Variants in EIF2AK4 observed in about 807,000 individuals in gnomAD.
EIF2AK4 encodes eIF-2-alpha kinase GCN2.
EIF2AK4 carries 139 observed loss-of-function variants against 211.1 expected under a neutral mutation model. The observed-to-expected ratio is 0.66, with a 90% CI of 0.57 to 0.76. The LOEUF (loss-of-function observed/expected upper bound fraction) is 0.76. EIF2AK4 is among the 30% of genes least tolerant of loss of function. EIF2AK4 has a pLI of 0.00. For missense variants in EIF2AK4, 1,664 were observed against 2,043.8 expected, an observed-to-expected ratio of 0.81 and a Z score of 3.58; for synonymous variants, 710 against 751.3, an observed-to-expected ratio of 0.94 and a Z score of 0.90.
intron 6 of EIF2AK4, among the ~76,000 whole-genome samples, chr15:39,957,307 A>G (rs2034404490): frequency 1.3e-5 from 2 of 152,148 alleles, no homozygotes; most frequent in Non-Finnish European, 2.9e-5. Flanking sequence ...ACGGTGGCTC[A>G]TGTGTGTGAC....
chr15:39,938,260 T>C (rs2034096019), intron 1 of EIF2AK4, among the ~76,000 whole-genome samples: 1 of 152,204 alleles, frequency 6.6e-6, no homozygotes, highest in Admixed American at 6.5e-5. Context: ...GTGATGGATG[T>C]GTGATGGGTG....
chr15:40,032,608 T>TCAC (rs2035558426), intron 36 of EIF2AK4, 149 bp from the exon 37 acceptor site: 7 of 677,622 alleles, frequency 1.0e-5, no homozygotes. Context: ...TAAGATCTTA[T>TCAC]CACTGCACAG....
At chr15:40,000,714 A>G (rs1004395028) in intron 20 of EIF2AK4, among the ~76,000 whole-genome samples, 1 of 152,124 alleles carries the variant, frequency 6.6e-6, no homozygotes, top group Non-Finnish European at 1.5e-5. Context: ...TTCTGCTTCT[A>G]TGTAGTTGTT....
intron 23 of EIF2AK4, among the ~76,000 whole-genome samples, chr15:40,005,429 G>A (rs1392510859): frequency 2.6e-5 from 4 of 151,494 alleles, no homozygotes; most frequent in Admixed American, 6.6e-5. Flanking sequence ...CCCGGGAGGC[G>A]GAGGTTGCAG....
intron 13 of EIF2AK4, among the ~76,000 whole-genome samples, chr15:39,980,457 A>G (rs74009083): frequency 2.0e-5 from 3 of 152,340 alleles, no homozygotes; most frequent in African/African-American, 7.2e-5. Context: ...CCAGATGTCA[A>G]TTGTGAATAC....
At chr15:39,972,081 G>A (rs575274333) in intron 9 of EIF2AK4, among the ~76,000 whole-genome samples, 63 of 152,114 alleles carry the variant, frequency 4.1e-4, no homozygotes, top group South Asian at 1.0e-3. Flanking sequence ...ATATGAGGCC[G>A]GGCACGGTGG....
At chr15:39,935,009 A>G (rs2034043117) in intron 1 of EIF2AK4, among the ~76,000 whole-genome samples, 1 of 152,164 alleles carries the variant, frequency 6.6e-6, no homozygotes, top group African/African-American at 2.4e-5. Flanking sequence ...CCACACACAA[A>G]ATACACTAAC....
At chr15:39,985,046 G>A (rs1343701977) in intron 13 of EIF2AK4, among the ~76,000 whole-genome samples, 3 of 152,114 alleles carry the variant, frequency 2.0e-5, no homozygotes, top group Non-Finnish European at 4.4e-5. Flanking sequence ...AGTTTATTGA[G>A]TGTTTTTAGC....
intron 13 of EIF2AK4, among the ~76,000 whole-genome samples, chr15:39,980,729 C>T (rs986950966): frequency 1.6e-4 from 24 of 152,150 alleles, no homozygotes; most frequent in African/African-American, 5.8e-4. Context: ...CCATCTGTCA[C>T]CCATGCTGGA....
chr15:39,995,342 C>T (rs567523062), intron 18 of EIF2AK4, among the ~76,000 whole-genome samples: 1 of 152,280 alleles, frequency 6.6e-6, no homozygotes, highest in South Asian at 2.1e-4. Flanking sequence ...CCAAGAGTCT[C>T]GCCGCCCCCT....
chr15:39,995,911 T>A (rs2035012375), intron 18 of EIF2AK4, among the ~76,000 whole-genome samples: 1 of 152,218 alleles, frequency 6.6e-6, no homozygotes, highest in Non-Finnish European at 1.5e-5. Context: ...AAGAATACAA[T>A]GCGTTATTAT....
intron 9 of EIF2AK4, among the ~76,000 whole-genome samples, chr15:39,970,355 A>G (rs141340175): frequency 6.6e-6 from 1 of 152,338 alleles, no homozygotes; most frequent in East Asian, 1.9e-4. Context: ...TTTCAAGTCA[A>G]TAACATTTAT....
chr15:39,966,795 C>CTATTAAA (rs2034550434), intron 8 of EIF2AK4, among the ~76,000 whole-genome samples: 1 of 152,032 alleles, frequency 6.6e-6, no homozygotes, highest in South Asian at 2.1e-4. Context: ...TTCTATCAAA[C>CTATTAAA]TAATTTTTTA....
At chr15:39,985,734 C>T (rs1595410186) in intron 13 of EIF2AK4, 71 bp from the exon 14 acceptor site, 1 of 1,486,028 alleles carries the variant, frequency 6.7e-7, no homozygotes, top group Non-Finnish European at 9.3e-7. Flanking sequence ...GGCACAAATA[C>T]TTAATGATGG....
chr15:40,014,598 G>A (rs921409843), intron 27 of EIF2AK4, among the ~76,000 whole-genome samples: 2 of 152,214 alleles, frequency 1.3e-5, no homozygotes, highest in African/African-American at 2.4e-5. Flanking sequence ...GCCAGCCCAC[G>A]AAACCATTTT....
chr15:39,943,021 C>A (rs2034168770), intron 2 of EIF2AK4, among the ~76,000 whole-genome samples: 1 of 149,962 alleles, frequency 6.7e-6, no homozygotes, highest in Non-Finnish European at 1.5e-5. Flanking sequence ...AGCTGCAGAA[C>A]TGGAATGATT....
chr15:40,017,935 T>C (rs2035332599), intron 29 of EIF2AK4, among the ~76,000 whole-genome samples: 1 of 152,164 alleles, frequency 6.6e-6, no homozygotes, highest in Non-Finnish European at 1.5e-5. Context: ...TCACGTGTAC[T>C]TTCCCTCAAC....
intron 20 of EIF2AK4, 75 bp downstream of exon 20, chr15:39,998,859 G>C: frequency 8.2e-7 from 1 of 1,223,146 alleles, no homozygotes; most frequent in Non-Finnish European, 1.2e-6. Flanking sequence ...TTTTCAATTA[G>C]TAATCTTCTG....
chr15:39,986,719 G>T (rs1595410865), intron 14 of EIF2AK4, among the ~76,000 whole-genome samples: 1 of 152,214 alleles, frequency 6.6e-6, no homozygotes, highest in African/African-American at 2.4e-5. Context: ...GCCAGGCATG[G>T]TGGTGTGCTC....
Sources: allele counts gnomAD v4.1 joint callset (sites outside exome capture counted in the v4.1 genomes callset), GRCh38; gene constraint gnomAD v4.1.1; transcripts MANE v1.5; gene names NCBI Gene and HGNC (gene_info 2026-07-23, HGNC 2026-07-21).